The following ADAMTS7 variants were observed in gnomAD, a reference collection of about 807,000 sequenced individuals.
ADAMTS7 encodes the protein A disintegrin and metalloproteinase with thrombospondin motifs 7.
A neutral mutation model predicts 172.6 loss-of-function variants in ADAMTS7; 89 were observed. The ratio of observed to expected loss-of-function variants is 0.52; its 90% CI spans 0.43 to 0.61. The LOEUF is 0.61. Among genes scored for constraint, ADAMTS7 ranks in the 20% least tolerant of loss-of-function variants. ADAMTS7 has a pLI of 0.00. For missense variants in ADAMTS7, 1,973 were observed against 2,355.6 expected (o/e 0.84, Z 3.36); for synonymous variants, 885 against 978.4 (o/e 0.90, Z 1.78).
In ADAMTS7 at chr15:78,771,964, G is replaced by C. The variant is rs3784321; in HGVS notation, c.2132-135C>G. The C allele has an allele frequency of 0.014, 19,054 of 1,335,780 alleles. 881 individuals are homozygous for C. The East Asian group carries it at 0.15, about 10-fold the overall frequency. The allele number at this position is 1,335,780 out of a possible 1,614,324, so 82.7% of individuals were successfully genotyped here. On this transcript the variant is annotated intron_variant, in intron 14 of 23. Coordinates refer to ENST00000388820, the MANE Select transcript of ADAMTS7 (RefSeq NM_014272.5). The surrounding 1 kb of genome is among the most constrained non-coding windows in gnomAD (Gnocchi z 4.9). Reference sequence around the variant, plus strand: ...CTTTAAAGTCTGAGCTCCCTAAATTGCTCGGATCTGTCATGGGTCACCAAA... The same window carrying C: ...CTTTAAAGTCTGAGCTCCCTAAATTCCTCGGATCTGTCATGGGTCACCAAA...
In ADAMTS7 at chr15:78,766,345, G is replaced by A. The variant is rs139513941; in HGVS notation, c.3566C>T (p.Thr1189Ile). The part of the protein sequence containing the change: ...VSTDGLQTPA[T>I]PESQNDFPVG... The stretch of plus-strand genomic sequence containing the variant: ...TGGGAAATCATTTTGGCTCTCAGGG[G>A]TGGCAGGTGTCTGCAGGCCATCAGT... The change falls in exon 19 of 24, where the codon ACC becomes ATC. Residue 1189 changes from threonine (T) to isoleucine (I), a missense_variant. Thr to Ile is a moderately conservative substitution (Grantham distance 89). Around this residue, in one of 8 missense-constraint regions of ADAMTS7, gnomAD observed 771 missense variants for 952.6 expected, o/e 0.81. Transcript: ENST00000388820. The A allele has an allele frequency of 6.2e-6, 10 of 1,610,832 alleles. No individual in the cohort carries two copies. The highest frequency in any genetic ancestry group is 8.5e-6 in the Non-Finnish European group (10 of 1,179,918).
intron 8 of ADAMTS7, 76 bp downstream of exon 8, chr15:78,788,155 A>G (rs1359354790): frequency 6.4e-7 from 1 of 1,570,960 alleles, no homozygotes; most frequent in Non-Finnish European, 8.7e-7. Flanking sequence ...GCCCTGCAGT[A>G]TGACTGTCTG....
chr15:78,806,008 A>T, intron 1 of ADAMTS7, among the ~76,000 whole-genome samples: 1 of 148,802 alleles, frequency 6.7e-6, no homozygotes, highest in Admixed American at 6.8e-5. Context: ...TGAGCCTGGG[A>T]GGCGGAGGTT....
intron 2 of ADAMTS7, among the ~76,000 whole-genome samples, chr15:78,799,712 G>A (rs2055692763): frequency 6.6e-6 from 1 of 152,130 alleles, no homozygotes; most frequent in African/African-American, 2.4e-5. Context: ...AATATTACCT[G>A]AGATGTTTTC....
rs2055572132 is a variant in ADAMTS7 at position 78,790,941 on chromosome 15, C to T, written c.904-147G>A. 3 of 1,356,456 alleles carry T rather than the reference C, an allele frequency of 2.2e-6. No individual in the cohort carries two copies. The East Asian group carries it at 7.0e-5, about 32-fold the overall frequency. 84.0% of individuals were successfully genotyped at this position (1,356,456 alleles called of 1,614,324 possible). A position where few individuals can be genotyped will look rare whatever the true frequency, so the allele number is the denominator to read the frequency against. ...CCAGTCGAGCTTCCAGCCTGACCAT[C>T]CCTCCTGTAGGAACCTCCTGCAGAG... On this transcript the variant is annotated intron_variant, in intron 5 of 23. Transcript: ENST00000388820.
chr15:78,761,921 T>C, intron 23 of ADAMTS7: 1 of 985,254 alleles, frequency 1.0e-6, no homozygotes, highest in Non-Finnish European at 1.2e-6. Flanking sequence ...ATTACCTCAT[T>C]AGCAGGACCC....
chr15:78,776,864 C>G (rs370509804), intron 9 of ADAMTS7, 23 bp from the exon 10 acceptor site: 1 of 1,522,798 alleles, frequency 6.6e-7, no homozygotes, highest in Non-Finnish European at 8.9e-7. Flanking sequence ...GGGCATGGGC[C>G]ATACCCTCAC....
rs78073665 is a variant in ADAMTS7, at chr15:78,763,171, C to T, written c.4740+528G>A. The stretch of plus-strand genomic sequence containing the variant: ...AGATGAGAAAACAGTGACCCAGCAA[C>T]GCAAAGCAACCTGCCCAGAGTCACT... On this transcript the variant is annotated intron_variant, in intron 22 of 23. Transcript: ENST00000388820. Among the ~76,000 whole-genome samples the T allele has an allele frequency of 0.028, 4,271 of 152,320 alleles. 523 individuals are homozygous for T. In the East Asian group the frequency reaches 0.35, roughly 12 times the overall value.
chr15:78,797,855 T>C, intron 3 of ADAMTS7, 93 bp downstream of exon 3: 2 of 1,420,846 alleles, frequency 1.4e-6, no homozygotes, highest in Non-Finnish European at 1.9e-6. Context: ...TAAGGGGCAC[T>C]GGGCATGGGG....
At chr15:78,775,054 G>A (rs1020063217) in intron 11 of ADAMTS7, among the ~76,000 whole-genome samples, 1 of 152,178 alleles carries the variant, frequency 6.6e-6, no homozygotes, top group Non-Finnish European at 1.5e-5. Flanking sequence ...GCAAGTCTTC[G>A]GCCACCCTCT....
In ADAMTS7 at chr15:78,767,378, C is replaced by T; in HGVS notation, c.2859+1G>A. 1 of 1,611,724 alleles carries T rather than the reference C, an allele frequency of 6.2e-7. No individual in the cohort carries two copies. The highest frequency in any genetic ancestry group is 1.1e-5 in the South Asian group (1 of 90,970). ...CGGGCCCCTTCCCATCCCACACTCACCTGAGACCAGTTCCCCACAGCCCAG... is the reference window on the plus strand; with the variant it reads ...CGGGCCCCTTCCCATCCCACACTCATCTGAGACCAGTTCCCCACAGCCCAG... On this transcript the variant is annotated splice_donor_variant, in intron 18 of 23. Coordinates refer to ENST00000388820, the MANE Select transcript of ADAMTS7 (RefSeq NM_014272.5). LOFTEE classifies it high-confidence loss of function.
rs143969583 is a variant in ADAMTS7 at position 78,769,519 on chromosome 15, C to T, written c.2519-1260G>A. ...TCGGGAGAAAAAGGCACAAGTCCCTCGCTGGGAGTCAGCCCTTTTCCCTCT... is the reference window on the plus strand; with the variant it reads ...TCGGGAGAAAAAGGCACAAGTCCCTTGCTGGGAGTCAGCCCTTTTCCCTCT... On this transcript the variant is annotated intron_variant, in intron 16 of 23. Coordinates refer to ENST00000388820, the MANE Select transcript of ADAMTS7 (RefSeq NM_014272.5). 4.0e-3 allele frequency among the ~76,000 whole-genome samples: 605 copies of T among 152,342 alleles called. 5 individuals are homozygous for T. Among genetic ancestry groups the T allele is most frequent in the African/African-American group, 0.014 (578 of 41,572 alleles).
At chr15:78,796,514 C>T in intron 4 of ADAMTS7, 76 bp downstream of exon 4, 1 of 1,512,108 alleles carries the variant, frequency 6.6e-7, no homozygotes, top group Non-Finnish European at 9.0e-7. Context: ...GACAGCCTTC[C>T]TGCCCTGCAC....
chr15:78,767,035 C>T lies in ADAMTS7; in HGVS notation c.2876G>A (p.Gly959Glu), dbSNP rs762089922. 12 of 1,558,638 alleles carry T rather than the reference C, an allele frequency of 7.7e-6. No individual in the cohort carries two copies. Among genetic ancestry groups the T allele is most frequent in the African/African-American group, 2.7e-5 (2 of 73,362 alleles). Residue 959 changes from glycine to glutamate, a missense_variant, in exon 19 of 24, where the codon GGG (glycine) becomes GAG (glutamate). By Grantham distance (98) the Gly-to-Glu change is moderately conservative. Transcript: ENST00000388820. ...GNWSQCSVTCGEGTQRRNVLC... is the reference protein window; with the variant it reads ...GNWSQCSVTCEEGTQRRNVLC... ...GACATTTCGGCGCTGAGTGCCCTCC[C>T]CACATGTCACTGAGCACTGCAGGGG...
intron 8 of ADAMTS7, among the ~76,000 whole-genome samples, chr15:78,786,993 A>G (rs1049385189): frequency 4.6e-5 from 7 of 152,146 alleles, no homozygotes; most frequent in African/African-American, 1.4e-4. Context: ...AGCAGTGAAC[A>G]TATTTTCTCT....
At chr15:78,759,600 G>T (rs767333525) in intron 23 of ADAMTS7, 22 bp from the exon 24 acceptor site, 12 of 1,561,580 alleles carry the variant, frequency 7.7e-6, no homozygotes, top group African/African-American at 1.4e-5. Flanking sequence ...GGGCAGAGAG[G>T]CATCAGAACC....
chr15:78,783,184 C>G (rs1372074860), intron 8 of ADAMTS7, among the ~76,000 whole-genome samples: 3 of 152,242 alleles, frequency 2.0e-5, no homozygotes, highest in Non-Finnish European at 4.4e-5. Flanking sequence ...TCAGCAGAGA[C>G]TTGGAAGAGT....
intron 8 of ADAMTS7, among the ~76,000 whole-genome samples, chr15:78,780,474 C>T (rs1455828958): frequency 6.6e-6 from 1 of 152,096 alleles, no homozygotes; most frequent in Non-Finnish European, 1.5e-5. Context: ...TGTGACCCAG[C>T]CTGCCTCTCT....
rs760936938 is a variant in ADAMTS7 at position 78,765,702 on chromosome 15, G to T, written c.4209C>A (p.Pro1403=). The change falls in exon 19 of 24, where the codon CCC becomes CCA. Residue 1403 remains proline, a synonymous_variant. Coordinates refer to ENST00000388820, the MANE Select transcript of ADAMTS7 (RefSeq NM_014272.5). ...PLAPSLAEAG[P]PADPLVVRNA... ...TCCTGACAACCAACGGGTCCGCGGGGGGCCCCGCTTCAGCCAGGCTGGGAG... is the reference window on the plus strand; with the variant it reads ...TCCTGACAACCAACGGGTCCGCGGGTGGCCCCGCTTCAGCCAGGCTGGGAG... 1.2e-6 allele frequency: 2 copies of T among 1,610,598 alleles called. No homozygotes were observed. Among genetic ancestry groups the T allele is most frequent in the South Asian group, 2.2e-5 (2 of 90,962 alleles).
Sources: allele counts gnomAD v4.1 joint callset (sites outside exome capture counted in the v4.1 genomes callset), GRCh38; gene constraint gnomAD v4.1.1; regional missense constraint gnomAD v4.1.1; non-coding constraint Gnocchi (gnomAD v3.1); transcripts MANE v1.5; gene names NCBI Gene and HGNC (gene_info 2026-07-23, HGNC 2026-07-21).